Variants in RALB observed in about 807,000 individuals in gnomAD.
RALB encodes ras-related protein Ral-B.
Under a neutral mutation model 21.3 loss-of-function variants are expected in RALB, and 16 were observed. The observed-to-expected ratio is 0.75, with a 90% confidence interval of 0.51 to 1.14. The LOEUF (loss-of-function observed/expected upper bound fraction) is 1.14. Among genes scored for constraint, RALB ranks in the 50% most tolerant of loss-of-function variants. The pLI is 0.00. For synonymous variants in RALB, 93 were observed against 96.1 expected (o/e 0.97, Z 0.19); for missense variants, 161 against 256.2 (o/e 0.63, Z 2.54).
chr2:120,263,597 T>C (rs1443213228), intron 1 of RALB, among the ~76,000 whole-genome samples: 2 of 152,156 alleles, frequency 1.3e-5, no homozygotes, highest in African/African-American at 2.4e-5. Flanking sequence ...TCTCGCTCTG[T>C]CACCCAGGCT....
At chr2:120,274,066 A>T in intron 1 of RALB, among the ~76,000 whole-genome samples, 1 of 152,176 alleles carries the variant, frequency 6.6e-6, no homozygotes, top group East Asian at 1.9e-4. Flanking sequence ...ATCCCCCCCA[A>T]CCTGGAAAAA....
At chr2:120,278,027 A>C (rs1373705191) in intron 1 of RALB, among the ~76,000 whole-genome samples, 2 of 68,154 alleles carry the variant, frequency 2.9e-5, no homozygotes, top group South Asian at 4.6e-4. Context: ...GTGAATGTGA[A>C]TGTGAGAGCG....
At chr2:120,264,442 A>G (rs1015028253) in intron 1 of RALB, among the ~76,000 whole-genome samples, 7 of 152,164 alleles carry the variant, frequency 4.6e-5, no homozygotes, top group African/African-American at 9.7e-5. Flanking sequence ...GTGAGCCACC[A>G]CACCTGGCCT....
At chr2:120,251,733 AG>A (rs1476219551), upstream of RALB, among the ~76,000 whole-genome samples, 3 of 152,228 alleles carry the variant, frequency 2.0e-5, no homozygotes, top group African/African-American at 4.8e-5. Context: ...ACTCAATAAA[AG>A]TTTTAAATGT....
chr2:120,293,314 G>A lies in RALB; in HGVS notation c.*54G>A. 1 of 1,522,810 alleles carries A rather than the reference G, an allele frequency of 6.6e-7. No homozygotes were observed. The allele number at this position is 1,522,810 out of a possible 1,614,324, so 94.3% of individuals were successfully genotyped here. ...CTCCTAAGGACACAGGGCTGGGTTG[G>A]TAAAGAGAAGGCTATGGTTGACTTC... On this transcript the variant is annotated 3_prime_UTR_variant, in exon 5 of 5. Coordinates refer to ENST00000272519, the MANE Select transcript of RALB (RefSeq NM_002881.3).
At chr2:120,270,067 T>C (rs1441272523) in intron 1 of RALB, among the ~76,000 whole-genome samples, 1 of 152,226 alleles carries the variant, frequency 6.6e-6, no homozygotes, top group Admixed American at 6.5e-5. Context: ...TTTTTGCCCG[T>C]TTAAAAAAAC....
At chr2:120,283,658 G>A (rs892267045) in intron 2 of RALB, among the ~76,000 whole-genome samples, 3 of 152,230 alleles carry the variant, frequency 2.0e-5, no homozygotes, top group African/African-American at 7.2e-5. Flanking sequence ...GGTTGGGGAT[G>A]GAGAGGCTTT....
intron 1 of RALB, among the ~76,000 whole-genome samples, chr2:120,273,642 TC>T (rs1288475013): frequency 6.6e-6 from 1 of 152,230 alleles, no homozygotes; most frequent in Non-Finnish European, 1.5e-5. Context: ...TAGAAATTCC[TC>T]TCAGGGTTGG....
In RALB at chr2:120,293,232, G is replaced by A; in HGVS notation, c.593G>A (p.Ser198Asn). ...AAGAAAAGCAGCAAGAACAAGAAAA[G>A]TTTTAAAGAAAGATGTTGCTTACTA... ...NGKKSSKNKK[S>N]FKERCCLL The change falls in exon 5 of 5, where the codon AGT becomes AAT. Residue 198 changes from serine (S) to asparagine (N), a missense_variant. By Grantham distance (46) the Ser-to-Asn change is conservative. Transcript: ENST00000272519. 6.2e-7 allele frequency: 1 copy of A among 1,613,422 alleles called. No homozygotes were observed. Among genetic ancestry groups the A allele is most frequent in the South Asian group, 1.1e-5 (1 of 90,990 alleles).
At chr2:120,272,282 T>C (rs978903636) in intron 1 of RALB, among the ~76,000 whole-genome samples, 2 of 152,214 alleles carry the variant, frequency 1.3e-5, no homozygotes, top group African/African-American at 2.4e-5. Context: ...GGTTTGCAAG[T>C]GGTCCCCGCC....
chr2:120,259,486 G>T (rs1689291341), intron 1 of RALB, among the ~76,000 whole-genome samples: 1 of 152,170 alleles, frequency 6.6e-6, no homozygotes, highest in Non-Finnish European at 1.5e-5. Flanking sequence ...AACACAGGGT[G>T]CTGATTGGTG....
chr2:120,274,130 A>G (rs1689731073), intron 1 of RALB, among the ~76,000 whole-genome samples: 1 of 152,192 alleles, frequency 6.6e-6, no homozygotes, highest in Non-Finnish European at 1.5e-5. Flanking sequence ...ATTCAGAGAA[A>G]TTGTGTGACA....
At chr2:120,280,675 G>A (rs1689967427) in intron 2 of RALB, among the ~76,000 whole-genome samples, 1 of 150,646 alleles carries the variant, frequency 6.6e-6, no homozygotes, top group South Asian at 2.1e-4. Context: ...TACATAACCT[G>A]CATGTTCTGC....
chr2:120,252,710 G>T (rs1689082868), upstream of RALB: 5 of 930,564 alleles, frequency 5.4e-6, no homozygotes, highest in South Asian at 2.0e-4. Context: ...CCGGCCGCCC[G>T]CTGCTTGGAA....
chr2:120,253,052 C>G (rs868055322), intron 1 of RALB, 72 bp downstream of exon 1: 3 of 901,188 alleles, frequency 3.3e-6, no homozygotes, highest in African/African-American at 1.8e-5. Context: ...GCCGCACGCC[C>G]GCAGCCTCTT....
At chr2:120,277,967 G>A (rs1352750085) in intron 1 of RALB, among the ~76,000 whole-genome samples, 1 of 149,562 alleles carries the variant, frequency 6.7e-6, no homozygotes, top group African/African-American at 2.5e-5. Context: ...GTGAGTGAAT[G>A]TGTGTGAATA....
chr2:120,278,660 G>A lies in RALB; in HGVS notation c.-5G>A. On this transcript the variant is annotated 5_prime_UTR_variant, in exon 2 of 5. Transcript: ENST00000272519. ...TGTGTGTCACAGCCTCAGAAGACCAGCGAGATGGCTGCCAACAAGAGTAAG... is the reference window on the plus strand; with the variant it reads ...TGTGTGTCACAGCCTCAGAAGACCAACGAGATGGCTGCCAACAAGAGTAAG... 4.4e-6 allele frequency: 7 copies of A among 1,592,564 alleles called. No individual in the cohort carries two copies. Among genetic ancestry groups the A allele is most frequent in the Non-Finnish European group, 6.0e-6 (7 of 1,169,036 alleles).
intron 1 of RALB, among the ~76,000 whole-genome samples, chr2:120,244,275 T>C (rs552212901): frequency 3.5e-4 from 53 of 152,324 alleles, no homozygotes; most frequent in Admixed American, 6.5e-4. Flanking sequence ...AACCATATCA[T>C]TGGACATCCA....
At chr2:120,246,763 G>A (rs971610918) in intron 1 of RALB, among the ~76,000 whole-genome samples, 1 of 152,206 alleles carries the variant, frequency 6.6e-6, no homozygotes, top group African/African-American at 2.4e-5. Flanking sequence ...GTGCTCTGCC[G>A]TTTAAAGGGC....
Sources: allele counts gnomAD v4.1 joint callset (sites outside exome capture counted in the v4.1 genomes callset), GRCh38; gene constraint gnomAD v4.1.1; transcripts MANE v1.5; gene names NCBI Gene and HGNC (gene_info 2026-07-23, HGNC 2026-07-21).